Variants in PIRT observed in about 807,000 individuals in gnomAD.
The protein encoded by PIRT is phosphoinositide-interacting protein.
Under a neutral mutation model 7.9 loss-of-function variants are expected in PIRT, and 6 were observed. The observed-to-expected ratio is 0.76, with a 90% CI of 0.42 to 1.51. The LOEUF (loss-of-function observed/expected upper bound fraction) is 1.51, where lower values mean the gene tolerates loss of function less well. Ranked by LOEUF, PIRT falls within the 40% of genes most tolerant of loss-of-function variation. The probability of loss-of-function intolerance (pLI) is 0.01; values close to 1 mark genes in which losing one functional copy is unlikely to be tolerated. For synonymous variants in PIRT, 78 were observed against 71.8 expected, an observed-to-expected ratio of 1.09 and a Z score of -0.44; for missense variants, 170 against 172.9, an observed-to-expected ratio of 0.98 and a Z score of 0.09.
rs187648238 is a variant in PIRT at position 10,827,971 on chromosome 17, A to C, written c.-138-2188T>G. On this transcript the variant is annotated intron_variant, in intron 1 of 1. Coordinates refer to ENST00000580256, the MANE Select transcript of PIRT (RefSeq NM_001101387.2). Reference sequence around the variant, plus strand: ...CTGATTCATCTTTCAAATGTCTCCAAGGTGTCTGTACATTGCTTTGTACCC... The same window carrying C: ...CTGATTCATCTTTCAAATGTCTCCACGGTGTCTGTACATTGCTTTGTACCC... Among the ~76,000 whole-genome samples the C allele has an allele frequency of 3.5e-4, 54 of 152,270 alleles. 1 individual carries two copies. Among genetic ancestry groups the C allele is most frequent in the Admixed American group, 1.8e-3 (28 of 15,296 alleles).
chr17:10,831,515 T>C (rs1905461688), intron 1 of PIRT, among the ~76,000 whole-genome samples: 5 of 152,050 alleles, frequency 3.3e-5, no homozygotes, highest in Admixed American at 3.3e-4. Context: ...ATGGAAGGAA[T>C]GTTTCTACAA....
intron 1 of PIRT, among the ~76,000 whole-genome samples, chr17:10,828,306 T>A (rs906523113): frequency 1.3e-5 from 2 of 152,084 alleles, no homozygotes; most frequent in Non-Finnish European, 2.9e-5. Context: ...CTTAAGCAGC[T>A]CTCCGAGGCT....
intron 1 of PIRT, among the ~76,000 whole-genome samples, chr17:10,835,195 G>A (rs1349142247): frequency 2.6e-5 from 4 of 152,148 alleles, no homozygotes; most frequent in Non-Finnish European, 2.9e-5. Context: ...ATGTACCTCA[G>A]CTGCTTCTCC....
intron 1 of PIRT, among the ~76,000 whole-genome samples, chr17:10,826,726 C>T (rs1389278790): frequency 6.6e-6 from 1 of 152,206 alleles, no homozygotes; most frequent in Non-Finnish European, 1.5e-5. Context: ...CCAGGCTATG[C>T]GTAGTCTGGA....
rs750804825 is a variant in PIRT at position 10,822,718 on chromosome 17, A to T, written c.*2514T>A. On this transcript the variant is annotated 3_prime_UTR_variant, in exon 2 of 2. Transcript: ENST00000580256. ...AGGTGCATCCGTACCTCAGCCTTCC[A>T]TGGGGTAACAGGCATTGGCAAAAAA... The T allele has an allele frequency of 2.6e-5, 4 of 152,282 alleles. No homozygotes were observed. In the East Asian group the frequency reaches 7.7e-4, roughly 29 times the overall value. The allele number at this position is 152,282 out of a possible 1,614,324, so 9.4% of individuals were successfully genotyped here.
chr17:10,833,693 G>T (rs1386313754), intron 1 of PIRT, among the ~76,000 whole-genome samples: 1 of 152,046 alleles, frequency 6.6e-6, no homozygotes, highest in Non-Finnish European at 1.5e-5. Flanking sequence ...GATGGAAGTT[G>T]CAGTGAGCCG....
At chr17:10,837,279 C>T (rs376828373) in intron 1 of PIRT, among the ~76,000 whole-genome samples, 63 of 152,352 alleles carry the variant, frequency 4.1e-4, no homozygotes, top group African/African-American at 1.4e-3. Flanking sequence ...TGGCTTTACC[C>T]GGATGCAGGG....
In PIRT at chr17:10,825,431, A is replaced by G; in HGVS notation, c.215T>C (p.Ile72Thr). 6.2e-7 allele frequency: 1 copy of G among 1,613,978 alleles called. No individual in the cohort carries two copies. The highest frequency in any genetic ancestry group is 1.6e-4 in the Middle Eastern group (1 of 6,062). Residue 72 changes from isoleucine (I) to threonine (T), a missense_variant, in exon 2 of 2, where the codon ATC (isoleucine) becomes ACC (threonine). Transcript: ENST00000580256. ...GGAILLFGVV[I>T]TCLAYTLKLS... ...CTTCAAGGTGTAGGCCAAGCAGGTG[A>G]TGACCACGCCGAAAAGCAGGATGGC...
chr17:10,830,743 T>C (rs1182381515), intron 1 of PIRT, among the ~76,000 whole-genome samples: 2 of 152,220 alleles, frequency 1.3e-5, no homozygotes, highest in Non-Finnish European at 2.9e-5. Context: ...GTAGGAGTTT[T>C]ATAACATTTT....
chr17:10,827,567 C>T (rs774340915), intron 1 of PIRT, among the ~76,000 whole-genome samples: 3 of 147,288 alleles, frequency 2.0e-5, no homozygotes, highest in Non-Finnish European at 4.5e-5. Context: ...CTCCGCCTCC[C>T]AGGTTCAAGC....
At position 10,823,137 on chromosome 17, in the gene PIRT, T is replaced by C. The variant is rs1334952626; in HGVS notation, c.*2095A>G. 6.6e-6 allele frequency: 1 copy of C among 152,210 alleles called. No individual in the cohort carries two copies. The highest frequency in any genetic ancestry group is 2.4e-5 in the African/African-American group (1 of 41,464). The allele number at this position is 152,210 out of a possible 1,614,324, so 9.4% of individuals were successfully genotyped here. A position where few individuals can be genotyped will look rare whatever the true frequency, so the allele number is the denominator to read the frequency against. On this transcript the variant is annotated 3_prime_UTR_variant, in exon 2 of 2. Transcript: ENST00000580256. ...ATCGAGGAATGCAAGAGTAATATTA[T>C]AGGGCCATCAAATCTGCATTCATCT...
intron 1 of PIRT, among the ~76,000 whole-genome samples, chr17:10,828,411 C>T (rs529828886): frequency 3.3e-5 from 5 of 152,294 alleles, no homozygotes; most frequent in African/African-American, 1.2e-4. Context: ...TGCGATTCCT[C>T]CTCTGGCTTC....
At chr17:10,832,236 A>G (rs994680258) in intron 1 of PIRT, among the ~76,000 whole-genome samples, 1 of 151,622 alleles carries the variant, frequency 6.6e-6, no homozygotes. Flanking sequence ...CTTGTTGCCC[A>G]GGCTGGAGTG....
intron 1 of PIRT, among the ~76,000 whole-genome samples, chr17:10,828,821 A>G (rs558931922): frequency 1.6e-4 from 25 of 152,312 alleles, no homozygotes; most frequent in Non-Finnish European, 2.6e-4. Context: ...ATTCTCTAGA[A>G]CAAGCAGTTA....
At chr17:10,835,962 G>T (rs1905579981) in intron 1 of PIRT, among the ~76,000 whole-genome samples, 1 of 151,482 alleles carries the variant, frequency 6.6e-6, no homozygotes, top group African/African-American at 2.4e-5. Flanking sequence ...GAGTGAAGTG[G>T]TGTGATCTTA....
rs1307697782 is a variant in PIRT at position 10,825,112 on chromosome 17, G to A, written c.*120C>T. 1 of 1,315,522 alleles carries A rather than the reference G, an allele frequency of 7.6e-7. No individual in the cohort carries two copies. The highest frequency in any genetic ancestry group is 1.5e-5 in the South Asian group (1 of 67,230). 81.5% of individuals were successfully genotyped at this position (1,315,522 alleles called of 1,614,324 possible). On this transcript the variant is annotated 3_prime_UTR_variant, in exon 2 of 2. Transcript: ENST00000580256. ...CCCCAAGCTCTATCTTCCCCACAGGGTCAGGAAGAGCATTTTCCTGGATCA... is the reference window on the plus strand; with the variant it reads ...CCCCAAGCTCTATCTTCCCCACAGGATCAGGAAGAGCATTTTCCTGGATCA...
chr17:10,829,965 G>GTCTGTCTGTCTA (rs1195802326), intron 1 of PIRT, among the ~76,000 whole-genome samples: 3 of 149,598 alleles, frequency 2.0e-5, no homozygotes, highest in Admixed American at 6.7e-5. Flanking sequence ...ATGTCTGTCT[G>GTCTGTCTGTCTA]TCTATCTATC....
chr17:10,828,310 C>T (rs1057360914), intron 1 of PIRT, among the ~76,000 whole-genome samples: 1 of 152,054 alleles, frequency 6.6e-6, no homozygotes, highest in East Asian at 1.9e-4. Flanking sequence ...AGCAGCTCTC[C>T]GAGGCTTCTG....
chr17:10,825,394 C>G lies in PIRT; in HGVS notation c.252G>C (p.Lys84Asn), dbSNP rs1345090365. ...CTACCATTTTGAGGATGGAGAGACT[C>G]TTGTCACTCAGCTTCAAGGTGTAGG... ...CLAYTLKLSD[K>N]SLSILKMVGP... Residue 84 changes from lysine (K) to asparagine (N), a missense_variant, in exon 2 of 2, where the codon AAG becomes AAC. Physicochemically the swap from Lys to Asn is moderately conservative, Grantham distance 94 (BLOSUM62 0). Transcript: ENST00000580256. 1.2e-6 allele frequency: 2 copies of G among 1,613,968 alleles called. No individual in the cohort carries two copies. Among genetic ancestry groups the G allele is most frequent in the African/African-American group, 2.7e-5 (2 of 75,036 alleles).
Sources: gnomAD v4.1 joint callset for allele counts (sites outside exome capture counted in the v4.1 genomes callset) on GRCh38, gnomAD v4.1.1 for gene constraint, MANE v1.5 for transcripts, NCBI Gene and HGNC (gene_info 2026-07-23, HGNC 2026-07-21) for gene names.